The following SP2 variants were observed in gnomAD, a reference collection of about 807,000 sequenced individuals.
SP2 encodes the protein Sp2 transcription factor.
Under a neutral mutation model 50.1 loss-of-function variants are expected in SP2, and 9 were observed. That is an observed-to-expected ratio of 0.18 (90% CI 0.11 to 0.31). The LOEUF (loss-of-function observed/expected upper bound fraction) is 0.31, where lower values mean the gene tolerates loss of function less well. SP2 is among the 10% of genes least tolerant of loss of function. The pLI is 1.00. For missense variants in SP2, 581 were observed against 806.5 expected, an observed-to-expected ratio of 0.72 and a Z score of 3.39; for synonymous variants, 313 against 326.6, an observed-to-expected ratio of 0.96 and a Z score of 0.45.
At position 47,896,267 on chromosome 17, in the gene SP2, C is replaced by A. The variant is rs778218026; in HGVS notation, c.-20C>A. 65 of 1,236,480 alleles carry A rather than the reference C, an allele frequency of 5.3e-5. No homozygotes were observed. In the East Asian group the frequency reaches 2.0e-3, roughly 39 times the overall value. The allele number at this position is 1,236,480 out of a possible 1,614,324, so 76.6% of individuals were successfully genotyped here. On this transcript the variant is annotated 5_prime_UTR_variant, in exon 1 of 7. Coordinates refer to ENST00000376741, the MANE Select transcript of SP2 (RefSeq NM_003110.6). ...TCGGTGGCGGCGGAGGCGGCGGAGG[C>A]CAGGGAGGAAGATGTCGTAATGAGC...
chr17:47,901,251 G>A (rs997936230), intron 1 of SP2, among the ~76,000 whole-genome samples: 1 of 150,450 alleles, frequency 6.6e-6, no homozygotes, highest in Admixed American at 6.7e-5. Flanking sequence ...GGGTTCAAGC[G>A]ATTCTCCTGT....
rs1307796181 is a variant in SP2 at position 47,915,408 on chromosome 17, C to T, written c.84+20C>T. ...ACCCAGGCGAGTAGGCAGTGGGCTC[C>T]GAGGGCTTGGGGCTGCAGCATCCTG... On this transcript the variant is annotated intron_variant, in intron 2 of 6. Coordinates refer to ENST00000376741, the MANE Select transcript of SP2 (RefSeq NM_003110.6). 5.7e-6 allele frequency: 9 copies of T among 1,586,174 alleles called. No individual in the cohort carries two copies. Among genetic ancestry groups the T allele is most frequent in the Admixed American group, 3.4e-5 (2 of 58,962 alleles).
At chr17:47,919,000 A>AAT (rs2035325745) in intron 3 of SP2, among the ~76,000 whole-genome samples, 1 of 56,760 alleles carries the variant, frequency 1.8e-5, no homozygotes, top group East Asian at 7.9e-3. Flanking sequence ...TTCAGATGCA[A>AAT]ATACACACAC....
Position 47,916,977 on chromosome 17 carries a change from G to A in SP2, c.906G>A (p.Gln302=). Residue 302 remains glutamine (Q), a synonymous_variant, in exon 3 of 7, where the codon CAG becomes CAA. Transcript: ENST00000376741. This position sits in a 1 kb window ranked among gnomAD's most constrained non-coding sequence, Gnocchi z 4.7. The stretch of plus-strand genomic sequence containing the variant: ...AGCCAGCTGTGGTCCAGCAGGTCCA[G>A]GTGGTGCCCCCCAAGGCCGAGCAGC... ...GGQPAVVQQV[Q]VVPPKAEQQQ... 1 of 1,614,212 alleles carries A rather than the reference G, an allele frequency of 6.2e-7. No individual in the cohort carries two copies. Among genetic ancestry groups the A allele is most frequent in the South Asian group, 1.1e-5 (1 of 91,084 alleles).
chr17:47,909,582 C>A, intron 1 of SP2: 3 of 366,294 alleles, frequency 8.2e-6, no homozygotes, highest in Non-Finnish European at 1.1e-5. Context: ...GCCATATATG[C>A]CTTTAAACCC....
chr17:47,910,979 A>G (rs889784656), intron 1 of SP2, among the ~76,000 whole-genome samples: 8 of 151,658 alleles, frequency 5.3e-5, no homozygotes, highest in Admixed American at 2.6e-4. Flanking sequence ...TAATCCCAGC[A>G]CTTTTGGAGG....
Position 47,920,595 on chromosome 17 carries a change from AT to A in SP2, c.1060-2360del, listed in dbSNP as rs574431001. The stretch of plus-strand genomic sequence containing the variant: ...GCCACCGCACCCGGCCAATTTTTGT[AT>A]TTTTTTAGTAGAGACGGGGTTTTAC... On this transcript the variant is annotated intron_variant, in intron 3 of 6. Transcript: ENST00000376741. Among the ~76,000 whole-genome samples the A allele has an allele frequency of 4.0e-3, 594 of 148,332 alleles. 1 individual carries two copies. The highest frequency in any genetic ancestry group is 0.014 in the African/African-American group (553 of 39,952).
At position 47,925,520 on chromosome 17, in the gene SP2, C is replaced by T. The variant is rs749173053; in HGVS notation, c.1720C>T (p.Arg574Trp). ...GTTCACACGGAGTGACGAGCTCCAA[C>T]GGCATGCTCGCACCCACACAGGTCA... ...KRFTRSDELQ[R>W]HARTHTGDKR... Residue 574 changes from arginine (R) to tryptophan (W), a missense_variant, in exon 6 of 7, where the codon CGG (arginine) becomes TGG (tryptophan). Arg to Trp is a moderately radical substitution (Grantham distance 101). This residue lies in a region of SP2 where 184 missense variants were observed against 315.5 expected (regional missense o/e 0.58). Transcript: ENST00000376741. 3 of 1,613,868 alleles carry T rather than the reference C, an allele frequency of 1.9e-6. No individual in the cohort carries two copies. Among genetic ancestry groups the T allele is most frequent in the African/African-American group, 1.3e-5 (1 of 74,920 alleles).
At chr17:47,901,939 C>G (rs2034558679) in intron 1 of SP2, among the ~76,000 whole-genome samples, 1 of 152,072 alleles carries the variant, frequency 6.6e-6, no homozygotes, top group South Asian at 2.1e-4. Context: ...AAGTCCCTGC[C>G]TTTAGGAAGC....
At chr17:47,900,650 G>A (rs942166956) in intron 1 of SP2, among the ~76,000 whole-genome samples, 2 of 152,162 alleles carry the variant, frequency 1.3e-5, no homozygotes, top group South Asian at 4.1e-4. Context: ...GGTGGCACAC[G>A]CCTGTAGTCC....
intron 1 of SP2, chr17:47,914,653 C>T (rs2035120032): frequency 6.6e-6 from 1 of 152,352 alleles, no homozygotes; most frequent in African/African-American, 2.4e-5. Context: ...CCAGCAGTGC[C>T]CAGCAGAGAG....
intron 1 of SP2, among the ~76,000 whole-genome samples, chr17:47,901,304 C>T (rs2034532304): frequency 6.6e-6 from 1 of 152,060 alleles, no homozygotes; most frequent in Non-Finnish European, 1.5e-5. Flanking sequence ...CGTGCCACCA[C>T]ACCCAGCTAA....
intron 3 of SP2, among the ~76,000 whole-genome samples, chr17:47,918,731 C>A (rs1373565554): frequency 1.3e-5 from 2 of 152,098 alleles, no homozygotes; most frequent in African/African-American, 4.8e-5. Flanking sequence ...CTAAATAAAT[C>A]CCTGAAAGTG....
chr17:47,904,398 C>T (rs1445095933), intron 1 of SP2, among the ~76,000 whole-genome samples: 3 of 151,806 alleles, frequency 2.0e-5, no homozygotes, highest in African/African-American at 4.8e-5. Flanking sequence ...GAAAAGCTAG[C>T]GGGAGAGAAA....
chr17:47,910,917 A>G (rs1285623208), intron 1 of SP2, among the ~76,000 whole-genome samples: 5 of 152,172 alleles, frequency 3.3e-5, no homozygotes, highest in Non-Finnish European at 7.3e-5. Context: ...GATCTATGGT[A>G]TATGTTCATT....
At chr17:47,905,657 C>T (rs1343271091) in intron 1 of SP2, among the ~76,000 whole-genome samples, 3 of 152,282 alleles carry the variant, frequency 2.0e-5, no homozygotes, top group East Asian at 1.9e-4. Flanking sequence ...CTTCCTGTTA[C>T]GTGCTCTCCC....
At chr17:47,931,621 C>T (rs2035820871), downstream of SP2, among the ~76,000 whole-genome samples, 1 of 152,122 alleles carries the variant, frequency 6.6e-6, no homozygotes, top group Non-Finnish European at 1.5e-5. Flanking sequence ...TTTAAGGTTG[C>T]CCCTTAAAGT....
intron 3 of SP2, among the ~76,000 whole-genome samples, chr17:47,920,615 G>T (rs1248313427): frequency 5.3e-5 from 8 of 151,954 alleles, no homozygotes; most frequent in African/African-American, 1.9e-4. Context: ...TAGAGACGGG[G>T]TTTTACCATC....
intron 1 of SP2, among the ~76,000 whole-genome samples, chr17:47,909,007 A>G (rs2034875660): frequency 6.6e-6 from 1 of 152,090 alleles, no homozygotes; most frequent in Admixed American, 6.6e-5. Context: ...CATCTTTTCA[A>G]AGTTCTCTCT....
Sources: gnomAD v4.1 joint callset for allele counts (sites outside exome capture counted in the v4.1 genomes callset) on GRCh38, gnomAD v4.1.1 for gene constraint, gnomAD v4.1.1 regional missense constraint, Gnocchi (gnomAD v3.1) non-coding constraint, MANE v1.5 for transcripts, NCBI Gene and HGNC (gene_info 2026-07-23, HGNC 2026-07-21) for gene names.